ACACA: variants seen among roughly 807,000 people sequenced by gnomAD.
The protein encoded by ACACA is acetyl-CoA carboxylase alpha.
ACACA carries 103 observed loss-of-function variants against 296.1 expected under a neutral mutation model. The ratio of observed to expected loss-of-function variants is 0.35; its 90% CI spans 0.30 to 0.41. The LOEUF is 0.41. Ranked by LOEUF, ACACA falls within the 10% of genes least tolerant of loss-of-function variation. ACACA has a pLI of 1.00. For missense variants in ACACA, 1,554 were observed against 2,989.7 expected, an observed-to-expected ratio of 0.52 and a Z score of 11.20; for synonymous variants, 953 against 1,038.6, an observed-to-expected ratio of 0.92 and a Z score of 1.58.
At chr17:37,244,244 C>T (rs1303172501) in intron 21 of ACACA, among the ~76,000 whole-genome samples, 1 of 151,204 alleles carries the variant, frequency 6.6e-6, no homozygotes. Context: ...CACGTGCCTA[C>T]AATCCCCACT....
chr17:37,401,139 T>C (rs2051271169), intron 1 of ACACA, among the ~76,000 whole-genome samples: 1 of 152,106 alleles, frequency 6.6e-6, no homozygotes, highest in Non-Finnish European at 1.5e-5. Context: ...ATTAGTGATG[T>C]TGAACATTTT....
rs2072256461 is a variant in ACACA at position 37,087,123 on chromosome 17, T to A, written c.*193A>T. On this transcript the variant is annotated 3_prime_UTR_variant, in exon 56 of 56. Coordinates refer to ENST00000616317, the MANE Select transcript of ACACA (RefSeq NM_198834.3). ...AAATACTGAATGGGGTAGGTGTGAC[T>A]GGTGGGCTGGAGGGGGATTCTGTGA... is the stretch of plus-strand genomic sequence containing the variant. 1 of 737,602 alleles carries A rather than the reference T, an allele frequency of 1.4e-6. No homozygotes were observed. Among genetic ancestry groups the A allele is most frequent in the African/African-American group, 1.7e-5 (1 of 57,728 alleles). 45.7% of individuals were successfully genotyped at this position (737,602 alleles called of 1,614,324 possible).
intron 3 of ACACA, among the ~76,000 whole-genome samples, chr17:37,307,666 A>G (rs1273448101): frequency 6.6e-6 from 1 of 152,030 alleles, no homozygotes; most frequent in Non-Finnish European, 1.5e-5. Flanking sequence ...AGCTCACTGC[A>G]ACCTCCACCT....
intron 41 of ACACA, among the ~76,000 whole-genome samples, chr17:37,176,378 T>C (rs971763924): frequency 1.3e-5 from 2 of 152,220 alleles, no homozygotes; most frequent in African/African-American, 4.8e-5. Flanking sequence ...GCATTTACAT[T>C]GAGCCTTGGC....
chr17:37,155,182 T>C (rs1048320513), intron 43 of ACACA, among the ~76,000 whole-genome samples: 6 of 152,156 alleles, frequency 3.9e-5, no homozygotes, highest in Admixed American at 1.3e-4. Flanking sequence ...AAATTAGAAA[T>C]AGTCTGAATG....
At position 37,121,418 on chromosome 17, in the gene ACACA, T is replaced by A. The variant is rs745617971; in HGVS notation, c.6211A>T (p.Asn2071Tyr). 5 of 1,614,180 alleles carry A rather than the reference T, an allele frequency of 3.1e-6. No homozygotes were observed. Among genetic ancestry groups the A allele is most frequent in the Non-Finnish European group, 2.5e-6 (3 of 1,180,026 alleles). ...ACCATCAGAGGCAGCCCTTCCCGGTTGAAGTCCTTGATGGCCTGATACGTC... is the reference window on the plus strand; with the variant it reads ...ACCATCAGAGGCAGCCCTTCCCGGTAGAAGTCCTTGATGGCCTGATACGTC... Reference protein sequence around the residue: ...FKTYQAIKDFNREGLPLMVFA... With the variant: ...FKTYQAIKDFYREGLPLMVFA... Residue 2071 changes from asparagine (N) to tyrosine (Y), a missense_variant, in exon 50 of 56, where the codon AAC (asparagine) becomes TAC (tyrosine). Coordinates refer to ENST00000616317, the MANE Select transcript of ACACA (RefSeq NM_198834.3).
chr17:37,404,868 G>A (rs1323219355), intron 1 of ACACA, among the ~76,000 whole-genome samples: 3 of 151,914 alleles, frequency 2.0e-5, no homozygotes, highest in African/African-American at 2.4e-5. Flanking sequence ...GTGAGCCACC[G>A]CTCCCAGCCC....
intron 3 of ACACA, among the ~76,000 whole-genome samples, chr17:37,314,389 G>A (rs1296949306): frequency 6.6e-6 from 1 of 152,048 alleles, no homozygotes; most frequent in Non-Finnish European, 1.5e-5. Context: ...ATGAGCCACT[G>A]CGCCCGACCA....
intron 3 of ACACA, among the ~76,000 whole-genome samples, chr17:37,290,657 C>A (rs1425367998): frequency 6.6e-6 from 1 of 152,172 alleles, no homozygotes; most frequent in Non-Finnish European, 1.5e-5. Flanking sequence ...TTAACCTGCA[C>A]TGAATATAGT....
chr17:37,192,028 A>C (rs1025950537), intron 37 of ACACA, 62 bp downstream of exon 37: 1 of 1,525,106 alleles, frequency 6.6e-7, no homozygotes, highest in East Asian at 2.2e-5. Flanking sequence ...CTAATTTTGA[A>C]TCATATCTAT....
chr17:37,204,003 C>T (rs1598165391), intron 33 of ACACA, among the ~76,000 whole-genome samples: 1 of 152,270 alleles, frequency 6.6e-6, no homozygotes, highest in East Asian at 1.9e-4. Context: ...GACTCATAGT[C>T]ATCACAAATT....
At chr17:37,362,063 G>A (rs557188209) in intron 1 of ACACA, among the ~76,000 whole-genome samples, 1 of 152,112 alleles carries the variant, frequency 6.6e-6, no homozygotes, top group Non-Finnish European at 1.5e-5. Context: ...CTTATAAGAC[G>A]AGGCGACGAG....
chr17:37,304,357 A>G (rs1258848272), intron 3 of ACACA, among the ~76,000 whole-genome samples: 1 of 152,046 alleles, frequency 6.6e-6, no homozygotes, highest in Non-Finnish European at 1.5e-5. Context: ...TAATTTTAAA[A>G]TTTTTGTAGA....
chr17:37,339,646 T>C (rs1252437521), intron 2 of ACACA, among the ~76,000 whole-genome samples, 158 bp downstream of exon 2: 2 of 152,238 alleles, frequency 1.3e-5, no homozygotes, highest in African/African-American at 4.8e-5. Context: ...TTGAGTACCA[T>C]TGTTAGACTC....
At chr17:37,357,216 G>A (rs975450945) in intron 1 of ACACA, among the ~76,000 whole-genome samples, 1 of 152,198 alleles carries the variant, frequency 6.6e-6, no homozygotes, top group Non-Finnish European at 1.5e-5. Flanking sequence ...AAACAAGCCT[G>A]GCGTGGTGGC....
intron 3 of ACACA, among the ~76,000 whole-genome samples, chr17:37,325,735 C>T (rs1304823334): frequency 3.3e-5 from 5 of 151,666 alleles, no homozygotes; most frequent in Middle Eastern, 3.4e-3. Flanking sequence ...CCATCGTGCT[C>T]GGCTAATTTT....
At chr17:37,306,019 C>T (rs757701744) in intron 3 of ACACA, among the ~76,000 whole-genome samples, 9 of 148,370 alleles carry the variant, frequency 6.1e-5, no homozygotes, top group Non-Finnish European at 1.3e-4. Flanking sequence ...CACCATTCTC[C>T]TGCCTCAGCC....
chr17:37,263,439 C>T (rs2081605911), intron 11 of ACACA, among the ~76,000 whole-genome samples: 1 of 152,168 alleles, frequency 6.6e-6, no homozygotes, highest in South Asian at 2.1e-4. Context: ...TTCTTTATCC[C>T]TGTATCCTGA....
At chr17:37,311,276 C>T (rs1462499233) in intron 3 of ACACA, among the ~76,000 whole-genome samples, 2 of 152,078 alleles carry the variant, frequency 1.3e-5, no homozygotes, top group Non-Finnish European at 2.9e-5. Flanking sequence ...AAAAGGCCTT[C>T]TATAAAGATG....
Sources: gnomAD v4.1 joint callset for allele counts (sites outside exome capture counted in the v4.1 genomes callset) on GRCh38, gnomAD v4.1.1 for gene constraint, MANE v1.5 for transcripts, NCBI Gene and HGNC (gene_info 2026-07-23, HGNC 2026-07-21) for gene names.